Variants in GAD1 observed in about 807,000 individuals in gnomAD.
The protein encoded by GAD1 is 67 kDa glutamic acid decarboxylase.
A neutral mutation model predicts 75.2 loss-of-function variants in GAD1; 35 were observed. The ratio of observed to expected loss-of-function variants is 0.47; its 90% confidence interval spans 0.36 to 0.62. The LOEUF (loss-of-function observed/expected upper bound fraction) is 0.62. GAD1 is among the 20% of genes least tolerant of loss of function. The pLI, the probability that GAD1 is intolerant of heterozygous loss-of-function variation, is 0.00. For synonymous variants in GAD1, 257 were observed against 271.9 expected (o/e 0.95, Z 0.54); for missense variants, 490 against 758.5 (o/e 0.65, Z 4.16).
rs1207134919 is a variant in GAD1, at chr2:170,853,006, A to G, written c.1263+214A>G. ...CTACTGTGCTTCTTCTTTGATCAGT[A>G]CTCAGGGTCTGTCAGCAACTGAACC... On this transcript the variant is annotated intron_variant, in intron 13 of 16. Transcript: ENST00000358196. The surrounding 1 kb of genome is among the most constrained non-coding windows in gnomAD (Gnocchi z 4.1). 18 of 613,120 alleles carry G rather than the reference A, an allele frequency of 2.9e-5. No individual in the cohort carries two copies. In the Admixed American group the frequency reaches 4.9e-4, roughly 17 times the overall value. 38.0% of individuals were successfully genotyped at this position (613,120 alleles called of 1,614,324 possible). A position where few individuals can be genotyped will look rare whatever the true frequency, so the allele number is the denominator to read the frequency against.
rs767376462 is a variant in GAD1, at chr2:170,830,931, A to G, written c.305-19A>G. The G allele has an allele frequency of 8.1e-6, 13 of 1,614,026 alleles. No homozygotes were observed. On this transcript the variant is annotated intron_variant, in intron 4 of 16. Coordinates refer to ENST00000358196, the MANE Select transcript of GAD1 (RefSeq NM_000817.3). ...GATATGAGTCAGGTGAAAACCATTC[A>G]TTGCTCTCCCCAATTCAGATCTGCT...
At chr2:170,842,165 G>GT (rs1702531829) in intron 6 of GAD1, among the ~76,000 whole-genome samples, 1 of 152,142 alleles carries the variant, frequency 6.6e-6, no homozygotes, top group Non-Finnish European at 1.5e-5. Context: ...GGCCTAATTG[G>GT]TTTTAAATCT....
chr2:170,836,945 A>C lies in GAD1; in HGVS notation c.638+62A>C, dbSNP rs769390. 307,495 of 1,187,206 alleles carry C rather than the reference A, an allele frequency of 0.26. 41,523 individuals are homozygous for C. The highest frequency in any genetic ancestry group is 0.37 in the South Asian group (29,547 of 80,562). The allele number at this position is 1,187,206 out of a possible 1,614,324, so 73.5% of individuals were successfully genotyped here. A position where few individuals can be genotyped will look rare whatever the true frequency, so the allele number is the denominator to read the frequency against. On this transcript the variant is annotated intron_variant, in intron 6 of 16. Coordinates refer to ENST00000358196, the MANE Select transcript of GAD1 (RefSeq NM_000817.3). ...GTATGACTATGGCTTGTTGCTTTAA[A>C]AGTTCAGTCCCAGTGGTTCTATTTT...
chr2:170,840,617 G>GAGGGAGGA (rs1291998434), intron 6 of GAD1, among the ~76,000 whole-genome samples: 2 of 137,814 alleles, frequency 1.5e-5, no homozygotes, highest in African/African-American at 2.6e-5. Flanking sequence ...GGAAGGGAGG[G>GAGGGAGGA]AGGGAGGAAG....
intron 15 of GAD1, among the ~76,000 whole-genome samples, chr2:170,857,740 T>A (rs764172741): frequency 6.6e-6 from 1 of 152,208 alleles, no homozygotes; most frequent in Non-Finnish European, 1.5e-5. Flanking sequence ...GAGAGCAAGA[T>A]AAAATTGTCT....
At chr2:170,817,459 C>T (rs886148144) in intron 1 of GAD1, 1 of 152,010 alleles carries the variant, frequency 6.6e-6, no homozygotes, top group African/African-American at 2.4e-5. Context: ...ACCCGCTGCC[C>T]GAGTTGCTGT....
intron 2 of GAD1, among the ~76,000 whole-genome samples, chr2:170,819,173 C>T (rs1308320108): frequency 6.6e-6 from 1 of 152,040 alleles, no homozygotes. Flanking sequence ...ACTCAAGGTC[C>T]CTAATTGCTC....
intron 16 of GAD1, among the ~76,000 whole-genome samples, 200 bp from the exon 17 acceptor site, chr2:170,859,509 C>T (rs1030444134): frequency 1.3e-5 from 2 of 152,124 alleles, no homozygotes; most frequent in African/African-American, 4.8e-5. Context: ...TTTCAAAATT[C>T]GGTTGCACAG....
rs767081869 is a variant in GAD1 at position 170,853,759 on chromosome 2, C to A, written c.1264-114C>A. The A allele has an allele frequency of 1.7e-5, 17 of 1,022,620 alleles. No individual in the cohort carries two copies. The South Asian group carries it at 1.8e-4, about 11-fold the overall frequency. 63.3% of individuals were successfully genotyped at this position (1,022,620 alleles called of 1,614,324 possible). A position where few individuals can be genotyped will look rare whatever the true frequency, so the allele number is the denominator to read the frequency against. On this transcript the variant is annotated intron_variant, in intron 13 of 16. Coordinates refer to ENST00000358196, the MANE Select transcript of GAD1 (RefSeq NM_000817.3). The surrounding 1 kb of genome is among the most constrained non-coding windows in gnomAD (Gnocchi z 4.1). ...CAAGTGTAAGGCCTCATAAAGACAT[C>A]AGAAGAAAGATTGCATATGACCCCA... is the stretch of plus-strand genomic sequence containing the variant.
rs1313376815 is a variant in GAD1, at chr2:170,845,800, GT to G, written c.947+16del. On this transcript the variant is annotated intron_variant, in intron 9 of 16. Coordinates refer to ENST00000358196, the MANE Select transcript of GAD1 (RefSeq NM_000817.3). ...TGCAATGAAAGGTAGGCAGGGGAGG[GT>G]GAATATTAGGTTCTTGATGTATTAA... 1.2e-6 allele frequency: 2 copies of G among 1,610,968 alleles called. No individual in the cohort carries two copies. The highest frequency in any genetic ancestry group is 1.7e-6 in the Non-Finnish European group (2 of 1,177,270).
At chr2:170,823,263 A>AGCCGCCC (rs1197598903) in intron 3 of GAD1, among the ~76,000 whole-genome samples, 9 of 152,162 alleles carry the variant, frequency 5.9e-5, no homozygotes, top group African/African-American at 2.2e-4. Flanking sequence ...GAGCGCCGAG[A>AGCCGCCC]GCCGCCCGCC....
chr2:170,850,141 A>T (rs1702718139), intron 12 of GAD1, among the ~76,000 whole-genome samples: 1 of 152,230 alleles, frequency 6.6e-6, no homozygotes, highest in Non-Finnish European at 1.5e-5. Context: ...TTTCTAATAA[A>T]AATGCATATC....
chr2:170,813,640 G>A (rs1013458416), upstream of GAD1, among the ~76,000 whole-genome samples: 1 of 151,986 alleles, frequency 6.6e-6, no homozygotes, highest in Non-Finnish European at 1.5e-5. Context: ...CCGTTTGGGC[G>A]CTCCTTCAAC....
At chr2:170,858,052 A>C (rs540318577) in intron 15 of GAD1, among the ~76,000 whole-genome samples, 2 of 152,356 alleles carry the variant, frequency 1.3e-5, no homozygotes, top group South Asian at 4.1e-4. Flanking sequence ...AATGAACAAA[A>C]AAGAGCCCTG....
Position 170,827,254 on chromosome 2 carries a change from TA to T in GAD1, c.146-2219del, listed in dbSNP as rs542833334. Among the ~76,000 whole-genome samples the T allele has an allele frequency of 2.3e-3, 357 of 152,356 alleles. 1 individual carries two copies. The highest frequency in any genetic ancestry group is 8.4e-3 in the African/African-American group (350 of 41,574). ...GGAAGCAAAGCTGAATTCTCCAGAT[TA>T]ACTTGCCTTTTTGCACCTCTTGGGA... On this transcript the variant is annotated intron_variant, in intron 3 of 16. Coordinates refer to ENST00000358196, the MANE Select transcript of GAD1 (RefSeq NM_000817.3).
chr2:170,854,089 G>A, intron 14 of GAD1, 67 bp downstream of exon 14: 4 of 1,534,202 alleles, frequency 2.6e-6, no homozygotes, highest in African/African-American at 1.4e-5. Context: ...GGCAAAAGAG[G>A]GGCAAAGATA....
chr2:170,851,936 C>T (rs561782557), intron 12 of GAD1, among the ~76,000 whole-genome samples: 78 of 152,236 alleles, frequency 5.1e-4, no homozygotes, highest in Non-Finnish European at 9.7e-4. Context: ...GTAGTCCAGT[C>T]GAGCCTTGCT....
Position 170,860,085 on chromosome 2 carries a change from G to C in GAD1, c.*203G>C, listed in dbSNP as rs1265945636. 1.7e-6 allele frequency: 1 copy of C among 601,564 alleles called. No individual in the cohort carries two copies. Among genetic ancestry groups the C allele is most frequent in the African/African-American group, 1.8e-5 (1 of 54,252 alleles). The allele number at this position is 601,564 out of a possible 1,614,324, so 37.3% of individuals were successfully genotyped here. On this transcript the variant is annotated 3_prime_UTR_variant, in exon 17 of 17. Coordinates refer to ENST00000358196, the MANE Select transcript of GAD1 (RefSeq NM_000817.3). ...TTCTTTTTAAAAAGTTGCACATTAG[G>C]AACAGAGTATATATGTACAGTTATA...
intron 6 of GAD1, 41 bp downstream of exon 6, chr2:170,836,924 G>A: frequency 1.5e-6 from 2 of 1,377,510 alleles, no homozygotes; most frequent in Non-Finnish European, 2.1e-6. Flanking sequence ...CCTGATGTAT[G>A]ACTATGGCTT....
Sources: allele counts gnomAD v4.1 joint callset (sites outside exome capture counted in the v4.1 genomes callset), GRCh38; gene constraint gnomAD v4.1.1; non-coding constraint Gnocchi (gnomAD v3.1); transcripts MANE v1.5; gene names NCBI Gene and HGNC (gene_info 2026-07-23, HGNC 2026-07-21).